The following ALK variants were observed in gnomAD, a reference collection of about 807,000 sequenced individuals.
ALK encodes the protein ALK tyrosine kinase receptor.
A neutral mutation model predicts 163.1 loss-of-function variants in ALK; 74 were observed. The observed-to-expected ratio is 0.45, with a 90% CI of 0.38 to 0.55. The LOEUF (loss-of-function observed/expected upper bound fraction) is 0.55, where lower values mean the gene tolerates loss of function less well. ALK is among the 20% of genes least tolerant of loss of function. ALK has a pLI of 0.00. For synonymous variants in ALK, 960 were observed against 843.2 expected (o/e 1.14, Z -2.40); for missense variants, 2,063 against 2,105.3 (o/e 0.98, Z 0.39).
At chr2:29,583,736 C>A (rs949561427) in intron 3 of ALK, among the ~76,000 whole-genome samples, 5 of 152,128 alleles carry the variant, frequency 3.3e-5, no homozygotes, top group African/African-American at 1.2e-4. Flanking sequence ...ACCTGATGAA[C>A]CAGATAAGCT....
At chr2:29,388,328 T>C (rs1173677298) in intron 4 of ALK, among the ~76,000 whole-genome samples, 1 of 152,206 alleles carries the variant, frequency 6.6e-6, no homozygotes, top group Non-Finnish European at 1.5e-5. Flanking sequence ...GGGAACATCA[T>C]ACTTTGCTTC....
At position 29,229,042 on chromosome 2, in the gene ALK, T is replaced by A. The variant is rs1452092742; in HGVS notation, c.2657A>T (p.Asn886Ile). The change falls in exon 16 of 29, where the codon AAC (asparagine) becomes ATC (isoleucine). Residue 886 changes from asparagine to isoleucine, a missense_variant. Physicochemically the swap from Asn to Ile is moderately radical, Grantham distance 149 (BLOSUM62 -3). Around this residue, in one of 5 missense-constraint regions of ALK, gnomAD observed 575 missense variants for 626.6 expected, o/e 0.92. Transcript: ENST00000389048. ...AAGGGGGWND[N>I]TSLLWAGKSL... Reference sequence around the variant, plus strand: ...TTTTCCGGCCCAGAGCAAGGAAGTGTTATCATTCCAGCCACCTCCACCACC... The same window carrying A: ...TTTTCCGGCCCAGAGCAAGGAAGTGATATCATTCCAGCCACCTCCACCACC... 6.2e-7 allele frequency: 1 copy of A among 1,609,392 alleles called. No homozygotes were observed. The highest frequency in any genetic ancestry group is 1.4e-5 in the African/African-American group (1 of 73,954).
At chr2:29,618,735 C>G (rs1285565770) in intron 3 of ALK, among the ~76,000 whole-genome samples, 1 of 152,184 alleles carries the variant, frequency 6.6e-6, no homozygotes, top group Admixed American at 6.5e-5. Flanking sequence ...AATCCTAGCA[C>G]TTTGGGAGGC....
intron 1 of ALK, among the ~76,000 whole-genome samples, chr2:29,753,485 G>A (rs1450063456): frequency 6.6e-6 from 1 of 152,060 alleles, no homozygotes; most frequent in Non-Finnish European, 1.5e-5. Flanking sequence ...CCTGGTCTCC[G>A]TCTCAATTTC....
At chr2:29,270,334 T>A (rs1476519747) in intron 11 of ALK, among the ~76,000 whole-genome samples, 1 of 152,156 alleles carries the variant, frequency 6.6e-6, no homozygotes, top group Non-Finnish European at 1.5e-5. Context: ...CTGGACCTCA[T>A]CTGTTAAAGG....
intron 1 of ALK, among the ~76,000 whole-genome samples, chr2:29,729,672 C>T (rs1052208784): frequency 4.6e-5 from 7 of 152,162 alleles, no homozygotes; most frequent in Admixed American, 1.3e-4. Context: ...CCCTCCAAAT[C>T]GCCTGGCTCT....
At chr2:29,297,099 G>T in intron 8 of ALK, 42 bp from the exon 9 acceptor site, 1 of 1,612,770 alleles carries the variant, frequency 6.2e-7, no homozygotes, top group South Asian at 1.1e-5. Flanking sequence ...TATGATTGCT[G>T]AAAGGTCCCC....
intron 4 of ALK, among the ~76,000 whole-genome samples, chr2:29,386,098 G>C (rs763942649): frequency 2.0e-5 from 3 of 152,214 alleles, no homozygotes; most frequent in African/African-American, 7.2e-5. Context: ...CTCTTTCAGC[G>C]CGGTGCTCCT....
At chr2:29,446,098 CAAAAAAAAAAA>C (rs60360983) in intron 4 of ALK, among the ~76,000 whole-genome samples, 14 of 17,212 alleles carry the variant, frequency 8.1e-4, no homozygotes, top group African/African-American at 2.2e-3. Context: ...GACTCCGTCT[CAAAAAAAAAAA>C]AAAAAAAAAA....
chr2:29,274,947 T>C, intron 11 of ALK, 152 bp downstream of exon 11: 1 of 1,049,532 alleles, frequency 9.5e-7, no homozygotes, highest in Non-Finnish European at 1.4e-6. Context: ...CAGCTTCCCC[T>C]TGGACCCCAT....
At chr2:29,477,586 C>A (rs1671558897) in intron 4 of ALK, among the ~76,000 whole-genome samples, 1 of 152,104 alleles carries the variant, frequency 6.6e-6, no homozygotes, top group African/African-American at 2.4e-5. Context: ...TTTTAAAGGG[C>A]ATGGACTAAA....
chr2:29,343,186 G>A (rs1172914337), intron 5 of ALK, among the ~76,000 whole-genome samples: 6 of 145,924 alleles, frequency 4.1e-5, no homozygotes, highest in Non-Finnish European at 9.0e-5. Context: ...GTGCCTGGCC[G>A]ATCTTTTTTT....
intron 27 of ALK, 99 bp from the exon 28 acceptor site, chr2:29,196,959 C>G (rs1013982638): frequency 1.0e-6 from 1 of 981,062 alleles, no homozygotes; most frequent in Admixed American, 1.9e-5. Flanking sequence ...GTTGAGGGTG[C>G]GAACTCGTCT....
chr2:29,413,290 G>A (rs979480471), intron 4 of ALK, among the ~76,000 whole-genome samples: 2 of 152,092 alleles, frequency 1.3e-5, no homozygotes, highest in African/African-American at 4.8e-5. Flanking sequence ...TTCTTTATAA[G>A]TAGAAAGAGC....
chr2:29,520,333 G>A (rs768163054), intron 4 of ALK, among the ~76,000 whole-genome samples: 55 of 152,296 alleles, frequency 3.6e-4, no homozygotes, highest in Non-Finnish European at 4.9e-4. Context: ...AAACCATGTC[G>A]CAAGTTTTCA....
intron 1 of ALK, among the ~76,000 whole-genome samples, chr2:29,745,984 T>A (rs138050233): frequency 3.5e-4 from 53 of 152,290 alleles, no homozygotes; most frequent in African/African-American, 1.2e-3. Context: ...ATAATAGCAA[T>A]CTTAATGAGG....
chr2:29,480,282 A>G (rs1337096351), intron 4 of ALK, among the ~76,000 whole-genome samples: 1 of 152,180 alleles, frequency 6.6e-6, no homozygotes, highest in Non-Finnish European at 1.5e-5. Context: ...TATTTATTTA[A>G]AAAAAGGAAA....
chr2:29,327,169 G>A (rs555981774), intron 6 of ALK, among the ~76,000 whole-genome samples: 1 of 152,346 alleles, frequency 6.6e-6, no homozygotes, highest in South Asian at 2.1e-4. Context: ...TTCAAGTGCA[G>A]GAGCACCAGC....
At chr2:29,712,273 T>G (rs1316786361) in intron 2 of ALK, among the ~76,000 whole-genome samples, 1 of 152,200 alleles carries the variant, frequency 6.6e-6, no homozygotes, top group East Asian at 1.9e-4. Context: ...AGAGATCTTT[T>G]GCTTATCAAG....
Sources: gnomAD v4.1 joint callset for allele counts (sites outside exome capture counted in the v4.1 genomes callset) on GRCh38, gnomAD v4.1.1 for gene constraint, gnomAD v4.1.1 regional missense constraint, MANE v1.5 for transcripts, NCBI Gene and HGNC (gene_info 2026-07-23, HGNC 2026-07-21) for gene names.